HEXB: variants seen among roughly 807,000 people sequenced by gnomAD.
HEXB encodes the protein beta-hexosaminidase subunit beta.
A neutral mutation model predicts 71.2 loss-of-function variants in HEXB; 51 were observed. The ratio of observed to expected loss-of-function variants is 0.72; its 90% CI spans 0.57 to 0.90. The LOEUF (loss-of-function observed/expected upper bound fraction) is 0.90. Among genes scored for constraint, HEXB ranks in the 40% least tolerant of loss-of-function variants. The pLI is 0.00. For synonymous variants in HEXB, 266 were observed against 249.3 expected (o/e 1.07, Z -0.63); for missense variants, 617 against 677.0 (o/e 0.91, Z 0.98).
chr5:74,675,297 C>T (rs1192862256), intron 1 of HEXB, among the ~76,000 whole-genome samples: 1 of 152,114 alleles, frequency 6.6e-6, no homozygotes, highest in Admixed American at 6.5e-5. Flanking sequence ...GGGATTCTTA[C>T]TAAACTAATT....
intron 1 of HEXB, among the ~76,000 whole-genome samples, chr5:74,664,256 C>CAAA (rs61357222): frequency 6.9e-6 from 1 of 144,176 alleles, no homozygotes; most frequent in African/African-American, 2.6e-5. Flanking sequence ...AACTCCATCT[C>CAAA]AAAAAAAAAA....
chr5:74,671,103 G>A (rs372373561), intron 1 of HEXB, among the ~76,000 whole-genome samples: 3 of 152,210 alleles, frequency 2.0e-5, no homozygotes. Flanking sequence ...AAGGGATAGG[G>A]TGGTACACAG....
At chr5:74,710,239 C>A (rs978252578) in intron 6 of HEXB, among the ~76,000 whole-genome samples, 2 of 151,682 alleles carry the variant, frequency 1.3e-5, no homozygotes, top group Admixed American at 6.6e-5. Context: ...ATTCAACAAC[C>A]CTTCATGCTA....
At chr5:74,645,483 G>C (rs1312766460) in intron 1 of HEXB, among the ~76,000 whole-genome samples, 1 of 152,204 alleles carries the variant, frequency 6.6e-6, no homozygotes, top group African/African-American at 2.4e-5. Flanking sequence ...GTCTGTCTTT[G>C]TCCCGTAAGT....
At chr5:74,647,423 T>C (rs1748022469) in intron 1 of HEXB, among the ~76,000 whole-genome samples, 1 of 152,214 alleles carries the variant, frequency 6.6e-6, no homozygotes, top group African/African-American at 2.4e-5. Context: ...AGATGCTACT[T>C]ACTGCTTATA....
At chr5:74,715,728 AAAGAG>A in intron 8 of HEXB, 38 bp downstream of exon 8, 4 of 1,457,768 alleles carry the variant, frequency 2.7e-6, no homozygotes, top group Non-Finnish European at 3.8e-6. Flanking sequence ...AAAAAAAAAA[AAAGAG>A]AGGCTGGGTG....
chr5:74,659,716 T>C (rs1748284236), intron 1 of HEXB, among the ~76,000 whole-genome samples: 1 of 152,154 alleles, frequency 6.6e-6, no homozygotes, highest in Non-Finnish European at 1.5e-5. Context: ...CTCCCTTATC[T>C]TTTCAATCAG....
At chr5:74,680,383 A>G (rs948808688), upstream of HEXB, among the ~76,000 whole-genome samples, 1 of 152,006 alleles carries the variant, frequency 6.6e-6, no homozygotes, top group Non-Finnish European at 1.5e-5. Flanking sequence ...TGTGTCGGGG[A>G]GGAGTGGGAG....
intron 1 of HEXB, among the ~76,000 whole-genome samples, chr5:74,654,982 T>G (rs1410485718): frequency 6.6e-6 from 1 of 152,082 alleles, no homozygotes; most frequent in Non-Finnish European, 1.5e-5. Context: ...TCCAGGGACC[T>G]GAAGCTGGTG....
intron 1 of HEXB, among the ~76,000 whole-genome samples, chr5:74,648,939 CCA>C (rs1301908136): frequency 2.6e-5 from 4 of 152,194 alleles, no homozygotes; most frequent in African/African-American, 9.7e-5. Flanking sequence ...ATGCGGGTTT[CCA>C]CAGACCACAG....
chr5:74,642,288 G>A (rs1747913371), intron 1 of HEXB, among the ~76,000 whole-genome samples: 1 of 151,976 alleles, frequency 6.6e-6, no homozygotes, highest in African/African-American at 2.4e-5. Flanking sequence ...GCAGAGTCTC[G>A]GCTTGAGGCT....
intron 1 of HEXB, 111 bp from the exon 2 acceptor site, chr5:74,689,217 T>C (rs562920191): frequency 4.7e-6 from 4 of 856,736 alleles, no homozygotes; most frequent in African/African-American, 3.3e-5. Context: ...TAGTTGGACT[T>C]ACAATGGGCA....
intron 1 of HEXB, among the ~76,000 whole-genome samples, chr5:74,686,898 T>G (rs1415947425): frequency 6.6e-6 from 1 of 152,226 alleles, no homozygotes; most frequent in Non-Finnish European, 1.5e-5. Context: ...GTTCAGCTTG[T>G]AGAATTGGAT....
chr5:74,644,307 G>T (rs530483732), intron 1 of HEXB, among the ~76,000 whole-genome samples: 1 of 152,362 alleles, frequency 6.6e-6, no homozygotes, highest in Non-Finnish European at 1.5e-5. Flanking sequence ...GTTGCTGAAT[G>T]CAGCTTGCCC....
intron 1 of HEXB, among the ~76,000 whole-genome samples, chr5:74,673,860 C>G (rs1748583895): frequency 6.6e-6 from 1 of 152,172 alleles, no homozygotes; most frequent in Non-Finnish European, 1.5e-5. Context: ...AGTTCTTCAG[C>G]TCTCACAAGG....
intron 5 of HEXB, among the ~76,000 whole-genome samples, chr5:74,701,815 C>T (rs1749267290): frequency 6.6e-6 from 1 of 151,950 alleles, no homozygotes; most frequent in Non-Finnish European, 1.5e-5. Flanking sequence ...CACATGGGCA[C>T]ATATGATGCA....
chr5:74,644,328 C>T (rs1198709250), intron 1 of HEXB, among the ~76,000 whole-genome samples: 1 of 152,174 alleles, frequency 6.6e-6, no homozygotes, highest in Middle Eastern at 3.2e-3. Context: ...AGGGAAGGGA[C>T]CATGGCTTTG....
chr5:74,640,717 A>G (rs960449359), intron 1 of HEXB: 1 of 152,538 alleles, frequency 6.6e-6, no homozygotes, highest in Non-Finnish European at 1.5e-5. Context: ...TCCGGCTGCC[A>G]GAGCAGTCTG....
intron 1 of HEXB, among the ~76,000 whole-genome samples, 160 bp from the exon 2 acceptor site, chr5:74,689,168 C>T (rs1378504731): frequency 6.6e-6 from 1 of 152,140 alleles, no homozygotes; most frequent in Non-Finnish European, 1.5e-5. Flanking sequence ...CAAAAAACTT[C>T]CCAAGTGATT....
Sources: gnomAD v4.1 joint callset for allele counts (sites outside exome capture counted in the v4.1 genomes callset) on GRCh38, gnomAD v4.1.1 for gene constraint, MANE v1.5 for transcripts, NCBI Gene and HGNC (gene_info 2026-07-23, HGNC 2026-07-21) for gene names.